Variants in LRRC4C observed in about 807,000 individuals in gnomAD.
LRRC4C encodes the protein leucine-rich repeat-containing protein 4C.
LRRC4C carries 5 observed loss-of-function variants against 33.6 expected under a neutral mutation model. The ratio of observed to expected loss-of-function variants is 0.15; its 90% confidence interval spans 0.08 to 0.31. The LOEUF (loss-of-function observed/expected upper bound fraction) is 0.31. Ranked by LOEUF, LRRC4C falls within the 10% of genes least tolerant of loss-of-function variation. LRRC4C has a pLI of 1.00. For missense variants in LRRC4C, 560 were observed against 796.7 expected, an observed-to-expected ratio of 0.70 and a Z score of 3.58; for synonymous variants, 329 against 302.0, an observed-to-expected ratio of 1.09 and a Z score of -0.93.
chr11:40,987,659 TATATGAGATATAAATG>T, intron 1 of LRRC4C, among the ~76,000 whole-genome samples: 3 of 32,340 alleles, frequency 9.3e-5, no homozygotes, highest in South Asian at 1.2e-3. Flanking sequence ...ATATCTCATA[TATATGAGATATAAATG>T]ATATATATAT....
At chr11:40,782,811 ACTGTCTCTCT>A (rs1950264599) in intron 2 of LRRC4C, among the ~76,000 whole-genome samples, 1 of 151,992 alleles carries the variant, frequency 6.6e-6, no homozygotes, top group South Asian at 2.1e-4. Context: ...TCTTTCTGTC[ACTGTCTCTCT>A]CTGTCTATAC....
intron 5 of LRRC4C, among the ~76,000 whole-genome samples, chr11:40,186,258 T>C (rs936294667): frequency 1.3e-5 from 2 of 152,212 alleles, no homozygotes; most frequent in African/African-American, 4.8e-5. Context: ...CCCTGTATCA[T>C]AATTTTAGTT....
intron 3 of LRRC4C, among the ~76,000 whole-genome samples, chr11:40,386,925 TG>T (rs1169591429): frequency 1.3e-5 from 2 of 152,182 alleles, no homozygotes; most frequent in East Asian, 3.9e-4. Flanking sequence ...TGCAATCAAT[TG>T]AACTTCTCTA....
intron 4 of LRRC4C, among the ~76,000 whole-genome samples, chr11:40,258,206 G>A (rs1043839597): frequency 1.3e-5 from 2 of 151,952 alleles, no homozygotes; most frequent in Admixed American, 1.3e-4. Flanking sequence ...CAACTCCTTG[G>A]TCTTCACGTT....
rs185818658 is a variant in LRRC4C, at chr11:40,237,703, T to G, written c.-96+3816A>C. Reference sequence around the variant, plus strand: ...TTTTAAACTAAAAAATGAAGATAAATGCTAGATAATCGTGAAAACCCTGAT... The same window carrying G: ...TTTTAAACTAAAAAATGAAGATAAAGGCTAGATAATCGTGAAAACCCTGAT... On this transcript the variant is annotated intron_variant, in intron 5 of 6. Transcript: ENST00000528697. Among the ~76,000 whole-genome samples the G allele has an allele frequency of 1.8e-3, 280 of 152,282 alleles. 3 individuals are homozygous for G. The highest frequency in any genetic ancestry group is 2.9e-3 in the East Asian group (15 of 5,186).
intron 1 of LRRC4C, among the ~76,000 whole-genome samples, chr11:41,220,472 T>C (rs2136379747): frequency 8.0e-6 from 1 of 125,262 alleles, no homozygotes; most frequent in East Asian, 2.4e-4. Flanking sequence ...TAGTGGATAA[T>C]CTCTAGAAAA....
intron 3 of LRRC4C, among the ~76,000 whole-genome samples, chr11:40,389,104 A>G (rs1590570729): frequency 6.6e-6 from 1 of 152,162 alleles, no homozygotes. Context: ...GAAAGGAAAA[A>G]TGGGCCATTT....
Position 41,106,802 on chromosome 11 carries a change from G to C in LRRC4C, c.-495-173079C>G, listed in dbSNP as rs533466254. Reference sequence around the variant, plus strand: ...AGGTGAAGGTGGGAGGATCACTTGAGCCCAGGAGATTGAGAACAGCCTGAG... The same window carrying C: ...AGGTGAAGGTGGGAGGATCACTTGACCCCAGGAGATTGAGAACAGCCTGAG... On this transcript the variant is annotated intron_variant, in intron 1 of 6. Transcript: ENST00000528697. 2.0e-4 allele frequency among the ~76,000 whole-genome samples: 31 copies of C among 152,064 alleles called. 1 individual carries two copies. The highest frequency in any genetic ancestry group is 3.4e-3 in the Middle Eastern group (1 of 294).
chr11:40,310,191 T>A (rs1945234197), intron 4 of LRRC4C, among the ~76,000 whole-genome samples: 1 of 152,196 alleles, frequency 6.6e-6, no homozygotes, highest in African/African-American at 2.4e-5. Flanking sequence ...AAGTATTTTA[T>A]AAATTGGAAC....
At chr11:40,869,050 G>A (rs938579062) in intron 2 of LRRC4C, among the ~76,000 whole-genome samples, 1 of 146,700 alleles carries the variant, frequency 6.8e-6, no homozygotes, top group Non-Finnish European at 1.5e-5. Context: ...ATTCAGCCTT[G>A]AAGACAAACC....
At chr11:41,242,425 T>A (rs749964764) in intron 1 of LRRC4C, among the ~76,000 whole-genome samples, 1 of 152,156 alleles carries the variant, frequency 6.6e-6, no homozygotes, top group Non-Finnish European at 1.5e-5. Flanking sequence ...AGCAGGTCCA[T>A]CTGTGGAGGA....
chr11:40,115,438 G>A lies in LRRC4C; in HGVS notation c.855C>T (p.Asp285=), dbSNP rs371465733. The A allele has an allele frequency of 1.9e-6, 3 of 1,614,202 alleles. No individual in the cohort carries two copies. Among genetic ancestry groups the A allele is most frequent in the African/African-American group, 2.7e-5 (2 of 75,050 alleles). Residue 285 remains aspartate, a synonymous_variant, in exon 7 of 7, where the codon GAC becomes GAT. Coordinates refer to ENST00000528697, the MANE Select transcript of LRRC4C (RefSeq NM_001258419.2). This position sits in a 1 kb window ranked among gnomAD's most constrained non-coding sequence, Gnocchi z 6.7. ...CTAGATGATGCAAGGGAGTGAAGAGGTCATGAGGCAGTAATGTTAGATTAT... is the reference window on the plus strand; with the variant it reads ...CTAGATGATGCAAGGGAGTGAAGAGATCATGAGGCAGTAATGTTAGATTAT... The part of the protein sequence containing the change: ...AHNNLTLLPH[D]LFTPLHHLER...
intron 3 of LRRC4C, among the ~76,000 whole-genome samples, chr11:40,576,261 C>T (rs1958188370): frequency 6.6e-6 from 1 of 152,178 alleles, no homozygotes; most frequent in Non-Finnish European, 1.5e-5. Context: ...GTTTTAGTAC[C>T]TTATATTTTA....
chr11:40,545,578 T>G (rs1956880179), intron 3 of LRRC4C, among the ~76,000 whole-genome samples: 1 of 151,956 alleles, frequency 6.6e-6, no homozygotes, highest in Non-Finnish European at 1.5e-5. Context: ...GCCTACTCTT[T>G]CAGGAACGTT....
At chr11:40,875,950 C>A (rs1321286018) in intron 2 of LRRC4C, among the ~76,000 whole-genome samples, 2 of 151,830 alleles carry the variant, frequency 1.3e-5, no homozygotes, top group Non-Finnish European at 2.9e-5. Context: ...ATAGTGACAC[C>A]CAAAGTGTGT....
At chr11:40,250,982 G>A (rs1866743568) in intron 4 of LRRC4C, among the ~76,000 whole-genome samples, 1 of 152,056 alleles carries the variant, frequency 6.6e-6, no homozygotes, top group Non-Finnish European at 1.5e-5. Flanking sequence ...TTATAAAAAT[G>A]AGATAGAATT....
intron 1 of LRRC4C, among the ~76,000 whole-genome samples, chr11:41,345,950 G>C (rs1021720275): frequency 1.4e-5 from 2 of 143,802 alleles, no homozygotes; most frequent in Non-Finnish European, 3.0e-5. Flanking sequence ...AGGTCACTCT[G>C]ATGGCCATAG....
At chr11:40,967,943 A>G (rs1565252751) in intron 1 of LRRC4C, among the ~76,000 whole-genome samples, 1 of 152,018 alleles carries the variant, frequency 6.6e-6, no homozygotes, top group African/African-American at 2.4e-5. Flanking sequence ...TAAGAAAAAA[A>G]CACATATCTC....
chr11:40,640,783 G>A (rs888413268), intron 3 of LRRC4C, among the ~76,000 whole-genome samples: 1 of 152,070 alleles, frequency 6.6e-6, no homozygotes, highest in African/African-American at 2.4e-5. Flanking sequence ...GGAAGGCCAA[G>A]GTGGGCGGAT....
Sources: gnomAD v4.1 joint callset for allele counts (sites outside exome capture counted in the v4.1 genomes callset) on GRCh38, gnomAD v4.1.1 for gene constraint, Gnocchi (gnomAD v3.1) non-coding constraint, MANE v1.5 for transcripts, NCBI Gene and HGNC (gene_info 2026-07-23, HGNC 2026-07-21) for gene names.